The following FRYL variants were observed in gnomAD, a reference collection of about 807,000 sequenced individuals.
The protein encoded by FRYL is protein furry homolog-like.
In FRYL, 150 loss-of-function variants were observed where a neutral mutation model predicts 351.2. The observed-to-expected ratio is 0.43, with a 90% CI of 0.37 to 0.49. The LOEUF is 0.49. Among genes scored for constraint, FRYL ranks in the 20% least tolerant of loss-of-function variants. The pLI is 0.00. For synonymous variants in FRYL, 1,153 were observed against 1,257.1 expected, an observed-to-expected ratio of 0.92 and a Z score of 1.75; for missense variants, 3,036 against 3,619.3, an observed-to-expected ratio of 0.84 and a Z score of 4.13.
At chr4:48,710,052 T>A (rs915250811) in intron 2 of FRYL, among the ~76,000 whole-genome samples, 1 of 152,182 alleles carries the variant, frequency 6.6e-6, no homozygotes, top group African/African-American at 2.4e-5. Flanking sequence ...CTAACTGACA[T>A]CTATGCTTCC....
At chr4:48,747,172 A>G (rs993437391) in intron 1 of FRYL, among the ~76,000 whole-genome samples, 6 of 131,914 alleles carry the variant, frequency 4.5e-5, no homozygotes, top group African/African-American at 1.0e-4. Context: ...TCCCCCCCCA[A>G]AAAAAGATTC....
intron 8 of FRYL, among the ~76,000 whole-genome samples, chr4:48,609,316 C>A (rs1560707865): frequency 6.6e-6 from 1 of 152,070 alleles, no homozygotes; most frequent in Non-Finnish European, 1.5e-5. Context: ...TCAGCATTTT[C>A]TGTGGATTTA....
At chr4:48,702,079 T>C (rs1199690321) in intron 2 of FRYL, among the ~76,000 whole-genome samples, 1 of 152,184 alleles carries the variant, frequency 6.6e-6, no homozygotes, top group Non-Finnish European at 1.5e-5. Context: ...TTATAAGAAA[T>C]TTGAATGACT....
At chr4:48,649,340 A>G (rs1301654828) in intron 3 of FRYL, among the ~76,000 whole-genome samples, 1 of 152,240 alleles carries the variant, frequency 6.6e-6, no homozygotes, top group Non-Finnish European at 1.5e-5. Flanking sequence ...AACATACCAT[A>G]TCTTATTCAC....
At chr4:48,680,708 A>G (rs1270736911) in intron 3 of FRYL, among the ~76,000 whole-genome samples, 1 of 152,162 alleles carries the variant, frequency 6.6e-6, no homozygotes, top group Non-Finnish European at 1.5e-5. Flanking sequence ...TATTAAGTGC[A>G]TTATAGTTTT....
intron 26 of FRYL, among the ~76,000 whole-genome samples, chr4:48,571,162 A>C (rs1319379813): frequency 6.6e-6 from 1 of 152,218 alleles, no homozygotes; most frequent in East Asian, 1.9e-4. Context: ...GGGGAAGTAA[A>C]ATACTACATT....
At chr4:48,553,070 T>C (rs1733252733) in intron 36 of FRYL, 145 bp downstream of exon 36, 4 of 576,118 alleles carry the variant, frequency 6.9e-6, no homozygotes, top group South Asian at 6.5e-5. Flanking sequence ...GGAAGATTTG[T>C]TTTTTTCTTT....
chr4:48,714,822 A>C (rs1768559563), intron 1 of FRYL, among the ~76,000 whole-genome samples: 1 of 149,632 alleles, frequency 6.7e-6, no homozygotes, highest in Non-Finnish European at 1.5e-5. Context: ...ACAACCAAAA[A>C]AGAGAATTTT....
chr4:48,500,371 C>T (rs767650657), intron 62 of FRYL, 151 bp from the exon 63 acceptor site: 5 of 493,148 alleles, frequency 1.0e-5, no homozygotes, highest in Non-Finnish European at 1.7e-5. Context: ...GTTAATATTT[C>T]AAGTACTCCA....
chr4:48,638,976 G>C (rs1754811141), intron 3 of FRYL, among the ~76,000 whole-genome samples: 1 of 152,064 alleles, frequency 6.6e-6, no homozygotes, highest in Non-Finnish European at 1.5e-5. Flanking sequence ...GGCTAAGGGA[G>C]GGATAGCATT....
chr4:48,653,623 A>T, intron 3 of FRYL: 1 of 819,368 alleles, frequency 1.2e-6, no homozygotes, highest in Non-Finnish European at 1.7e-6. Context: ...CTTTTTATCT[A>T]TTTGGATTGG....
intron 3 of FRYL, among the ~76,000 whole-genome samples, chr4:48,646,464 T>C (rs1434356871): frequency 6.6e-6 from 1 of 152,200 alleles, no homozygotes; most frequent in Non-Finnish European, 1.5e-5. Context: ...TCTAAAATCG[T>C]CAAAAATGCC....
chr4:48,706,660 C>T (rs1767386717), intron 2 of FRYL, among the ~76,000 whole-genome samples: 1 of 152,078 alleles, frequency 6.6e-6, no homozygotes, highest in South Asian at 2.1e-4. Flanking sequence ...CACACTTTAG[C>T]ACAATAATTT....
Position 48,516,951 on chromosome 4 carries a change from A to G in FRYL, c.7690-1676T>C, listed in dbSNP as rs143411762. Among the ~76,000 whole-genome samples the G allele has an allele frequency of 2.8e-4, 43 of 152,304 alleles. No individual in the cohort carries two copies. The East Asian group carries it at 8.1e-3, about 29-fold the overall frequency. On this transcript the variant is annotated intron_variant, in intron 55 of 63. Transcript: ENST00000358350. ...GAGGTAGGGATGATATTGCAGGGAA[A>G]GTGATTAGAAGATATCAAAGGCACA...
At chr4:48,717,069 C>G (rs1031009670) in intron 1 of FRYL, among the ~76,000 whole-genome samples, 3 of 133,956 alleles carry the variant, frequency 2.2e-5, no homozygotes, top group African/African-American at 8.5e-5. Context: ...GGGAATTGAA[C>G]AACGAGAACA....
chr4:48,632,108 ATATATAT>A (rs1177006201), intron 4 of FRYL, among the ~76,000 whole-genome samples: 8 of 64,392 alleles, frequency 1.2e-4, no homozygotes, highest in Middle Eastern at 6.8e-3. Context: ...ATATATATAT[ATATATAT>A]ATATATATAT....
At chr4:48,709,379 C>T (rs551864957) in intron 2 of FRYL, among the ~76,000 whole-genome samples, 85 of 152,058 alleles carry the variant, frequency 5.6e-4, no homozygotes, top group African/African-American at 1.7e-3. Context: ...CAGAAAGAGA[C>T]GGTCTGAGTG....
chr4:48,688,658 ATTTT>A (rs11355390), intron 2 of FRYL, among the ~76,000 whole-genome samples: 10 of 86,438 alleles, frequency 1.2e-4, no homozygotes, highest in African/African-American at 3.0e-4. Context: ...CTCTTAGTCA[ATTTT>A]TTTTTTTTTT....
chr4:48,604,875 C>T (rs1231666896), intron 11 of FRYL, among the ~76,000 whole-genome samples: 4 of 151,766 alleles, frequency 2.6e-5, no homozygotes, highest in Non-Finnish European at 5.9e-5. Flanking sequence ...CTCCTTTTGA[C>T]GAACTGCCTT....
Sources: gnomAD v4.1 joint callset for allele counts (sites outside exome capture counted in the v4.1 genomes callset) on GRCh38, gnomAD v4.1.1 for gene constraint, MANE v1.5 for transcripts, NCBI Gene and HGNC (gene_info 2026-07-23, HGNC 2026-07-21) for gene names.